The following MIPOL1 variants were observed in gnomAD, a reference collection of about 807,000 sequenced individuals.
MIPOL1 encodes mirror-image polydactyly 1.
A neutral mutation model predicts 60.9 loss-of-function variants in MIPOL1; 57 were observed. The observed-to-expected ratio is 0.94, with a 90% confidence interval of 0.76 to 1.17. The LOEUF is 1.17. Among genes scored for constraint, MIPOL1 ranks in the 50% most tolerant of loss-of-function variants. The pLI is 0.00. For missense variants in MIPOL1, 551 were observed against 511.6 expected (o/e 1.08, Z -0.74); for synonymous variants, 179 against 168.8 (o/e 1.06, Z -0.47).
chr14:37,487,528 C>T (rs1460941262), intron 11 of MIPOL1, among the ~76,000 whole-genome samples: 1 of 152,120 alleles, frequency 6.6e-6, no homozygotes, highest in African/African-American at 2.4e-5. Flanking sequence ...TGTTATTGGT[C>T]TATTCAGGGA....
At chr14:37,448,347 A>C (rs1373335306) in intron 11 of MIPOL1, among the ~76,000 whole-genome samples, 1 of 152,208 alleles carries the variant, frequency 6.6e-6, no homozygotes, top group Non-Finnish European at 1.5e-5. Flanking sequence ...ACGTGAATCA[A>C]CATGTCCTGT....
At chr14:37,217,830 A>G (rs1051894601) in intron 1 of MIPOL1, among the ~76,000 whole-genome samples, 1 of 152,216 alleles carries the variant, frequency 6.6e-6, no homozygotes, top group South Asian at 2.1e-4. Flanking sequence ...AATCTGGAAC[A>G]TGATAAGGAT....
At chr14:37,502,810 A>G (rs2095233497) in intron 12 of MIPOL1, 1 of 152,196 alleles carries the variant, frequency 6.6e-6, no homozygotes, top group Non-Finnish European at 1.5e-5. Flanking sequence ...AAGGTCGGTA[A>G]TAACAAAATT....
chr14:37,414,477 T>A (rs2093730347), intron 10 of MIPOL1, among the ~76,000 whole-genome samples: 1 of 152,188 alleles, frequency 6.6e-6, no homozygotes, highest in Non-Finnish European at 1.5e-5. Context: ...CATGTAGATA[T>A]CTTCCCTTGT....
intron 11 of MIPOL1, among the ~76,000 whole-genome samples, chr14:37,484,881 C>A (rs950803523): frequency 6.6e-6 from 1 of 152,054 alleles, no homozygotes; most frequent in African/African-American, 2.4e-5. Flanking sequence ...TTCTGGGGTA[C>A]ATGTGCAGAA....
At chr14:37,294,755 AG>A (rs2085458842) in intron 7 of MIPOL1, among the ~76,000 whole-genome samples, 1 of 152,340 alleles carries the variant, frequency 6.6e-6, no homozygotes, top group Non-Finnish European at 1.5e-5. Flanking sequence ...AGAAGTTTAG[AG>A]AAAAAAGAAA....
chr14:37,442,680 TA>T lies in MIPOL1; in HGVS notation c.1031+19737del, dbSNP rs2094269151. On this transcript the variant is annotated intron_variant, in intron 11 of 12. Coordinates refer to ENST00000684589, the MANE Select transcript of MIPOL1 (RefSeq NM_001388067.1). ...AAAATAAATAAATAAATAAAAAATT[TA>T]AAAAATTGTTACTGAAGGTACCATA... Among the ~76,000 whole-genome samples the T allele has an allele frequency of 3.3e-5, 5 of 151,410 alleles. No homozygotes were observed. In the East Asian group the frequency reaches 9.7e-4, roughly 29 times the overall value.
At chr14:37,331,433 T>C (rs989933018) in intron 9 of MIPOL1, among the ~76,000 whole-genome samples, 6 of 151,986 alleles carry the variant, frequency 3.9e-5, no homozygotes, top group African/African-American at 1.4e-4. Context: ...GTATGTCCTC[T>C]TCAGTTTCTT....
chr14:37,416,899 G>A (rs749572727), intron 10 of MIPOL1, among the ~76,000 whole-genome samples: 4 of 152,112 alleles, frequency 2.6e-5, no homozygotes, highest in Admixed American at 6.6e-5. Flanking sequence ...TCTGCTGAGC[G>A]ATCCAGCTAG....
rs2095193509 is a variant in MIPOL1 at position 37,500,077 on chromosome 14, A to G, written c.1201A>G (p.Met401Val). ...LQQALTERAN[M>V]ELQLQHAREA... The stretch of plus-strand genomic sequence containing the variant: ...ACAAGCTCTGACAGAGCGAGCAAAT[A>G]TGGAATTACAACTTCAACATGCCAG... The change falls in exon 12 of 13, where the codon ATG becomes GTG. Residue 401 changes from methionine (M) to valine (V), a missense_variant. Transcript: ENST00000684589. 1.2e-6 allele frequency: 2 copies of G among 1,613,794 alleles called. No homozygotes were observed. Among genetic ancestry groups the G allele is most frequent in the Admixed American group, 1.7e-5 (1 of 59,952 alleles).
intron 7 of MIPOL1, among the ~76,000 whole-genome samples, chr14:37,297,558 A>G (rs1031606044): frequency 2.0e-5 from 3 of 152,172 alleles, no homozygotes; most frequent in Non-Finnish European, 2.9e-5. Flanking sequence ...AGAAAACCCC[A>G]TCGTCTCAGC....
chr14:37,297,846 G>A (rs1447710381), intron 7 of MIPOL1, among the ~76,000 whole-genome samples: 9 of 152,118 alleles, frequency 5.9e-5, no homozygotes, highest in East Asian at 1.9e-4. Context: ...CTCATGGGTA[G>A]GAAGAATCAA....
At chr14:37,431,320 G>C (rs1595744905) in intron 11 of MIPOL1, among the ~76,000 whole-genome samples, 1 of 151,968 alleles carries the variant, frequency 6.6e-6, no homozygotes, top group East Asian at 1.9e-4. Context: ...ATTTTTCCTT[G>C]CAATCATTGT....
At chr14:37,392,664 A>G (rs1313132438) in intron 10 of MIPOL1, among the ~76,000 whole-genome samples, 1 of 152,170 alleles carries the variant, frequency 6.6e-6, no homozygotes, top group African/African-American at 2.4e-5. Flanking sequence ...GTTTTTTTGT[A>G]AATATCCTTT....
At chr14:37,286,111 C>G (rs1217270028) in intron 7 of MIPOL1, among the ~76,000 whole-genome samples, 1 of 152,150 alleles carries the variant, frequency 6.6e-6, no homozygotes, top group Non-Finnish European at 1.5e-5. Context: ...CTGAGTCTTT[C>G]ACTGCTCTCT....
chr14:37,245,245 G>C (rs1048973972), intron 1 of MIPOL1, among the ~76,000 whole-genome samples: 115 of 152,146 alleles, frequency 7.6e-4, no homozygotes, highest in African/African-American at 2.6e-3. Flanking sequence ...TCTTGTGTTA[G>C]CAGAAAAAAA....
chr14:37,462,187 C>T (rs925990691), intron 11 of MIPOL1, among the ~76,000 whole-genome samples: 1 of 152,358 alleles, frequency 6.6e-6, no homozygotes, highest in African/African-American at 2.4e-5. Flanking sequence ...GACTTCTGTG[C>T]ACTCACAGGC....
At chr14:37,283,336 G>C in intron 6 of MIPOL1, among the ~76,000 whole-genome samples, 1 of 152,070 alleles carries the variant, frequency 6.6e-6, no homozygotes, top group Non-Finnish European at 1.5e-5. Flanking sequence ...CAAAGTGCTA[G>C]GATTACAGGT....
intron 6 of MIPOL1, 44 bp downstream of exon 6, chr14:37,270,569 C>A (rs773529854): frequency 5.8e-6 from 6 of 1,033,336 alleles, no homozygotes; most frequent in Non-Finnish European, 8.3e-6. Flanking sequence ...GAATCACACA[C>A]AAGGTTATTA....
Sources: allele counts gnomAD v4.1 joint callset (sites outside exome capture counted in the v4.1 genomes callset), GRCh38; gene constraint gnomAD v4.1.1; transcripts MANE v1.5; gene names NCBI Gene and HGNC (gene_info 2026-07-23, HGNC 2026-07-21).